The following KIAA1958 variants were observed in gnomAD, a reference collection of about 807,000 sequenced individuals.
KIAA1958 encodes the protein uncharacterized protein KIAA1958.
A neutral mutation model predicts 47.2 loss-of-function variants in KIAA1958; 14 were observed. The observed-to-expected ratio is 0.30, with a 90% CI of 0.20 to 0.46. KIAA1958 has a LOEUF of 0.46. Ranked by LOEUF, KIAA1958 falls within the 20% of genes least tolerant of loss-of-function variation. The pLI, the probability that KIAA1958 is intolerant of heterozygous loss-of-function variation, is 1.00. For missense variants in KIAA1958, 803 were observed against 909.2 expected (o/e 0.88, Z 1.50); for synonymous variants, 354 against 353.3 (o/e 1.00, Z -0.02).
chr9:112,552,246 T>C (rs1835163583), intron 1 of KIAA1958, among the ~76,000 whole-genome samples: 3 of 152,212 alleles, frequency 2.0e-5, no homozygotes. Context: ...AGTGAGTAAA[T>C]GTTCCTCACA....
chr9:112,660,480 CTT>C lies in KIAA1958; in HGVS notation c.*413_*414del, dbSNP rs1289571220. 1 of 173,910 alleles carries C rather than the reference CTT, an allele frequency of 5.8e-6. No individual in the cohort carries two copies. The highest frequency in any genetic ancestry group is 1.2e-5 in the Non-Finnish European group (1 of 80,060). The allele number at this position is 173,910 out of a possible 1,614,324, so 10.8% of individuals were successfully genotyped here. A position where few individuals can be genotyped will look rare whatever the true frequency, so the allele number is the denominator to read the frequency against. On this transcript the variant is annotated 3_prime_UTR_variant, in exon 4 of 4. Coordinates refer to ENST00000337530, the MANE Select transcript of KIAA1958 (RefSeq NM_133465.4). Reference sequence around the variant, plus strand: ...TTTAGAACGTTAGGAAGACTGTACACTTTGTTGAATTACACTCACAATTAGAA... The same window carrying C: ...TTTAGAACGTTAGGAAGACTGTACACTGTTGAATTACACTCACAATTAGAA...
rs112433871 is a variant in KIAA1958, at chr9:112,549,044, C to G, written c.-24-25013C>G. ...TTCAGAACTGTGAAAAAATAACTTCCTGTTGCTTAAGGAATCCTGTCTGTG... is the reference window on the plus strand; with the variant it reads ...TTCAGAACTGTGAAAAAATAACTTCGTGTTGCTTAAGGAATCCTGTCTGTG... On this transcript the variant is annotated intron_variant, in intron 1 of 3. Transcript: ENST00000337530. 1.4e-4 allele frequency among the ~76,000 whole-genome samples: 21 copies of G among 152,106 alleles called. 2 individuals carry two copies. Among genetic ancestry groups the G allele is most frequent in the African/African-American group, 5.1e-4 (21 of 41,386 alleles).
intron 1 of KIAA1958, among the ~76,000 whole-genome samples, chr9:112,533,844 C>T (rs929879066): frequency 1.3e-5 from 2 of 152,042 alleles, no homozygotes; most frequent in Admixed American, 6.6e-5. Context: ...GCCCTTGACA[C>T]GTGGGGATTG....
At chr9:112,546,880 C>T (rs1835043980) in intron 1 of KIAA1958, among the ~76,000 whole-genome samples, 1 of 152,034 alleles carries the variant, frequency 6.6e-6, no homozygotes, top group Non-Finnish European at 1.5e-5. Flanking sequence ...TAGCTACTGC[C>T]TCTCTGTGCT....
chr9:112,490,638 T>C (rs1833952719), intron 1 of KIAA1958, among the ~76,000 whole-genome samples: 1 of 152,260 alleles, frequency 6.6e-6, no homozygotes, highest in Non-Finnish European at 1.5e-5. Context: ...CGAAAAGTAC[T>C]GAAAATGCAA....
intron 1 of KIAA1958, among the ~76,000 whole-genome samples, chr9:112,512,303 ACAT>A (rs1360093949): frequency 6.6e-6 from 1 of 152,336 alleles, no homozygotes; most frequent in Non-Finnish European, 1.5e-5. Flanking sequence ...GAAGAAAAAC[ACAT>A]CATAACCAAG....
chr9:112,659,165 G>A (rs1837213509), intron 3 of KIAA1958, 98 bp from the exon 4 acceptor site: 2 of 969,700 alleles, frequency 2.1e-6, no homozygotes, highest in Non-Finnish European at 3.1e-6. Flanking sequence ...AGGGGTCACA[G>A]AATGTCCTCA....
At chr9:112,571,283 C>T (rs954174923) in intron 1 of KIAA1958, among the ~76,000 whole-genome samples, 7 of 152,178 alleles carry the variant, frequency 4.6e-5, no homozygotes, top group Admixed American at 1.3e-4. Flanking sequence ...TTCCTTAAAC[C>T]ATACTTAATT....
chr9:112,587,294 C>T (rs1018751506), intron 2 of KIAA1958, among the ~76,000 whole-genome samples: 2 of 152,140 alleles, frequency 1.3e-5, no homozygotes, highest in Non-Finnish European at 1.5e-5. Flanking sequence ...GGATTACAGG[C>T]ATGCGCCACA....
rs557869931 is a variant in KIAA1958, at chr9:112,548,540, A to G, written c.-24-25517A>G. On this transcript the variant is annotated intron_variant, in intron 1 of 3. Coordinates refer to ENST00000337530, the MANE Select transcript of KIAA1958 (RefSeq NM_133465.4). The stretch of plus-strand genomic sequence containing the variant: ...CTCTCCAAATATTTTCCATAGTTTG[A>G]CCCTTTGTGTCATCATATCCAAATC... 1.3e-3 allele frequency among the ~76,000 whole-genome samples: 197 copies of G among 152,066 alleles called. No homozygotes were observed. The Middle Eastern group carries it at 0.024, about 18-fold the overall frequency.
chr9:112,549,932 C>T (rs755303239), intron 1 of KIAA1958, among the ~76,000 whole-genome samples: 13 of 152,186 alleles, frequency 8.5e-5, no homozygotes, highest in Non-Finnish European at 1.3e-4. Context: ...AGAAATCCTG[C>T]TGTAAATCAA....
intron 2 of KIAA1958, among the ~76,000 whole-genome samples, chr9:112,583,507 AGG>A (rs1835769278): frequency 6.6e-6 from 1 of 152,186 alleles, no homozygotes; most frequent in Non-Finnish European, 1.5e-5. Flanking sequence ...AGTATATAAA[AGG>A]AGATATGTAC....
In KIAA1958 at chr9:112,574,553, G is replaced by A. The variant is rs779434279; in HGVS notation, c.473G>A (p.Ser158Asn). ...VCESSVTDED[S>N]DFEPQTQRPQ... ...GAGTCTTCTGTTACAGATGAGGATA[G>A]TGACTTTGAACCCCAAACCCAAAGG... The change falls in exon 2 of 4, where the codon AGT becomes AAT. Residue 158 changes from serine to asparagine, a missense_variant. Physicochemically the swap from Ser to Asn is conservative, Grantham distance 46. Transcript: ENST00000337530. 2 of 1,614,032 alleles carry A rather than the reference G, an allele frequency of 1.2e-6. No individual in the cohort carries two copies. Among genetic ancestry groups the A allele is most frequent in the South Asian group, 2.2e-5 (2 of 91,082 alleles).
intron 1 of KIAA1958, among the ~76,000 whole-genome samples, chr9:112,533,937 G>A (rs1045172122): frequency 1.3e-5 from 2 of 152,190 alleles, no homozygotes; most frequent in Admixed American, 1.3e-4. Context: ...CTTCCTGAAA[G>A]AATTGCTGGG....
rs549572939 is a variant in KIAA1958, at chr9:112,587,078, A to G, written c.1171+11827A>G. ...AGGTCCAGCAATAGCTTCTCTTTCA[A>G]TATAGATCATATTTATGTAACTAAT... On this transcript the variant is annotated intron_variant, in intron 2 of 3. Coordinates refer to ENST00000337530, the MANE Select transcript of KIAA1958 (RefSeq NM_133465.4). Among the ~76,000 whole-genome samples, 3 of 152,300 alleles carry G rather than the reference A, an allele frequency of 2.0e-5. No homozygotes were observed. The South Asian group carries it at 6.2e-4, about 32-fold the overall frequency.
At chr9:112,582,663 G>T (rs1835754780) in intron 2 of KIAA1958, 1 of 151,970 alleles carries the variant, frequency 6.6e-6, no homozygotes, top group South Asian at 2.1e-4. Context: ...AGATAGAGTG[G>T]CATAATCCAA....
chr9:112,513,524 G>C (rs1222410621), intron 1 of KIAA1958, among the ~76,000 whole-genome samples: 1 of 98,642 alleles, frequency 1.0e-5, no homozygotes, highest in African/African-American at 4.0e-5. Flanking sequence ...TGCGGCCCGG[G>C]GCAGTGCGGA....
chr9:112,568,814 G>A (rs942816466), intron 1 of KIAA1958, among the ~76,000 whole-genome samples: 1 of 149,926 alleles, frequency 6.7e-6, no homozygotes, highest in Non-Finnish European at 1.5e-5. Context: ...CCGGAGCCCA[G>A]GGGGCAGAGG....
Position 112,594,831 on chromosome 9 carries a change from A to G in KIAA1958, c.1171+19580A>G, listed in dbSNP as rs150600580. On this transcript the variant is annotated intron_variant, in intron 2 of 3. Transcript: ENST00000337530. ...AATTGTTTTCCTAAGTGGTTGTGAC[A>G]TTTTACATTCCCACCAGTAATGTAT... Among the ~76,000 whole-genome samples, 824 of 152,260 alleles carry G rather than the reference A, an allele frequency of 5.4e-3. 11 individuals are homozygous for G. The highest frequency in any genetic ancestry group is 0.019 in the African/African-American group (791 of 41,534).
Sources: gnomAD v4.1 joint callset for allele counts (sites outside exome capture counted in the v4.1 genomes callset) on GRCh38, gnomAD v4.1.1 for gene constraint, MANE v1.5 for transcripts, NCBI Gene and HGNC (gene_info 2026-07-23, HGNC 2026-07-21) for gene names.